Variants in SORBS2 observed in about 807,000 individuals in gnomAD.
SORBS2 encodes the protein sorbin and SH3 domain containing 2.
A neutral mutation model predicts 97.7 loss-of-function variants in SORBS2; 46 were observed. The observed-to-expected ratio is 0.47, with a 90% CI of 0.37 to 0.60. The LOEUF is 0.60. Among genes scored for constraint, SORBS2 ranks in the 20% least tolerant of loss-of-function variants. SORBS2 has a pLI of 0.00. For synonymous variants in SORBS2, 476 were observed against 473.4 expected (o/e 1.01, Z -0.07); for missense variants, 1,316 against 1,282.3 (o/e 1.03, Z -0.40).
At chr4:185,849,637 T>G (rs1006209763) in intron 1 of SORBS2, among the ~76,000 whole-genome samples, 7 of 152,178 alleles carry the variant, frequency 4.6e-5, no homozygotes, top group Non-Finnish European at 1.0e-4. Context: ...CTTCACCCCT[T>G]GTTGCAGAAT....
chr4:185,651,943 A>G, intron 2 of SORBS2, 115 bp from the exon 11 acceptor site: 3 of 674,418 alleles, frequency 4.4e-6, no homozygotes, highest in Non-Finnish European at 7.9e-6. Flanking sequence ...TATTTTTCCT[A>G]GTTCATAATG....
At chr4:185,644,273 C>T (rs2097174403) in intron 4 of SORBS2, among the ~76,000 whole-genome samples, 1 of 152,116 alleles carries the variant, frequency 6.6e-6, no homozygotes, top group African/African-American at 2.4e-5. Context: ...CTGCAGAGAC[C>T]TATCCACACT....
chr4:185,931,542 A>G (rs4862597), intron 1 of SORBS2, among the ~76,000 whole-genome samples: 115,307 of 151,896 alleles, frequency 0.76, 43,837 homozygotes, highest in Middle Eastern at 0.84. Context: ...GCCGGGGGTT[A>G]TTACTAGGCT....
At chr4:185,721,350 C>T (rs1375992385) in intron 2 of SORBS2, among the ~76,000 whole-genome samples, 2 of 152,194 alleles carry the variant, frequency 1.3e-5, no homozygotes, top group African/African-American at 4.8e-5. Flanking sequence ...GCTAGGATTA[C>T]AGGCGTGAGC....
intron 1 of SORBS2, among the ~76,000 whole-genome samples, chr4:185,889,819 T>C (rs1473228765): frequency 6.6e-6 from 1 of 152,200 alleles, no homozygotes; most frequent in African/African-American, 2.4e-5. Flanking sequence ...AGTTTCCTCC[T>C]GACACTCATT....
Position 185,684,271 on chromosome 4 carries a change from T to C in SORBS2, c.-197-5449A>G, listed in dbSNP as rs2097916255. Among the ~76,000 whole-genome samples, 1 of 152,200 alleles carries C rather than the reference T, an allele frequency of 6.6e-6. No homozygotes were observed. The highest frequency in any genetic ancestry group is 1.5e-5 in the Non-Finnish European group (1 of 68,030). On this transcript the variant is annotated intron_variant, in intron 2 of 20. Transcript: ENST00000284776. The surrounding 1 kb of genome is among the most constrained non-coding windows in gnomAD (Gnocchi z 4.2). ...GTGACTTCCTATCTGTGGGTACATG[T>C]GAATCTTAATTGGTCAAGATTTTGG...
At chr4:185,902,395 C>T (rs2099248212) in intron 1 of SORBS2, among the ~76,000 whole-genome samples, 2 of 152,078 alleles carry the variant, frequency 1.3e-5, no homozygotes, top group Admixed American at 1.3e-4. Flanking sequence ...GACCATCTTT[C>T]AGAAGGCTGA....
At chr4:185,932,090 G>C (rs1031502599) in intron 1 of SORBS2, among the ~76,000 whole-genome samples, 1 of 151,520 alleles carries the variant, frequency 6.6e-6, no homozygotes, top group Non-Finnish European at 1.5e-5. Context: ...ATATATGTGT[G>C]TGTTTATTAT....
exon 14 of SORBS2, chr4:185,589,690 C>G: frequency 6.2e-7 from 1 of 1,604,360 alleles, no homozygotes; most frequent in Non-Finnish European, 8.5e-7. Context: ...CACAAACCAG[C>G]CGTCATCACA....
At chr4:185,611,050 C>T (rs1046372961) in intron 12 of SORBS2, among the ~76,000 whole-genome samples, 20 of 152,168 alleles carry the variant, frequency 1.3e-4, no homozygotes, top group African/African-American at 4.6e-4. Context: ...TTTTAAATTA[C>T]GTATTGAGAA....
chr4:185,900,275 C>T (rs2099247034), intron 1 of SORBS2, among the ~76,000 whole-genome samples: 1 of 152,156 alleles, frequency 6.6e-6, no homozygotes, highest in Non-Finnish European at 1.5e-5. Context: ...TGGCTAGATC[C>T]TAACTTGTGA....
chr4:185,859,354 T>G (rs2099222375), intron 1 of SORBS2, among the ~76,000 whole-genome samples: 1 of 152,212 alleles, frequency 6.6e-6, no homozygotes. Flanking sequence ...TCCTCCCAGC[T>G]GCTCCTCCAC....
intron 2 of SORBS2, chr4:185,757,050 G>A (rs753763204): frequency 8.9e-6 from 7 of 782,582 alleles, no homozygotes; most frequent in Non-Finnish European, 1.4e-5. Context: ...GATGAACTTC[G>A]CAGGCTTCCA....
chr4:185,953,964 G>A (rs189766388), intron 1 of SORBS2, among the ~76,000 whole-genome samples: 42 of 152,294 alleles, frequency 2.8e-4, no homozygotes, highest in Admixed American at 9.8e-4. Flanking sequence ...GGAGGGAGAC[G>A]TCCTTTCTTT....
At chr4:185,905,085 C>A (rs1325854894) in intron 1 of SORBS2, among the ~76,000 whole-genome samples, 1 of 149,694 alleles carries the variant, frequency 6.7e-6, no homozygotes, top group South Asian at 2.1e-4. Context: ...GCCTGGGCAA[C>A]AAGAGTGAAA....
intron 4 of SORBS2, chr4:185,666,081 G>C: frequency 7.8e-7 from 1 of 1,289,858 alleles, no homozygotes; most frequent in Non-Finnish European, 1.0e-6. Flanking sequence ...TGCCTGGTGA[G>C]AAAGTGGCTC....
intron 4 of SORBS2, among the ~76,000 whole-genome samples, chr4:185,674,247 C>G (rs1348036604): frequency 1.3e-5 from 2 of 152,212 alleles, no homozygotes; most frequent in Non-Finnish European, 2.9e-5. Flanking sequence ...CTGTTCCACC[C>G]ACAGCTGTCC....
At chr4:185,754,804 C>G (rs549142467) in intron 2 of SORBS2, among the ~76,000 whole-genome samples, 1 of 152,306 alleles carries the variant, frequency 6.6e-6, no homozygotes, top group African/African-American at 2.4e-5. Context: ...CTGAGTCCAG[C>G]TGTTAGCTGA....
At chr4:185,882,153 A>G (rs940136458) in intron 1 of SORBS2, among the ~76,000 whole-genome samples, 5 of 152,170 alleles carry the variant, frequency 3.3e-5, no homozygotes, top group Non-Finnish European at 7.4e-5. Context: ...GGAAAGAAGG[A>G]AAAGGTGTTC....
Sources: gnomAD v4.1 joint callset for allele counts (sites outside exome capture counted in the v4.1 genomes callset) on GRCh38, gnomAD v4.1.1 for gene constraint, Gnocchi (gnomAD v3.1) non-coding constraint, MANE v1.5 for transcripts, NCBI Gene and HGNC (gene_info 2026-07-23, HGNC 2026-07-21) for gene names.